Variants in WLS observed in about 807,000 individuals in gnomAD.
WLS encodes Wnt ligand secretion mediator.
A neutral mutation model predicts 62.8 loss-of-function variants in WLS; 23 were observed. The ratio of observed to expected loss-of-function variants is 0.37; its 90% confidence interval spans 0.26 to 0.52. The LOEUF (loss-of-function observed/expected upper bound fraction) is 0.52, where lower values mean the gene tolerates loss of function less well. WLS is among the 20% of genes least tolerant of loss of function. WLS has a pLI of 0.92. For synonymous variants in WLS, 246 were observed against 244.1 expected (o/e 1.01, Z -0.07); for missense variants, 615 against 697.3 (o/e 0.88, Z 1.33).
intron 2 of WLS, among the ~76,000 whole-genome samples, chr1:68,178,781 A>T (rs2100561148): frequency 6.6e-6 from 1 of 152,330 alleles, no homozygotes; most frequent in African/African-American, 2.4e-5. Context: ...TGTATTATGA[A>T]GAATAAGGAC....
chr1:68,226,863 T>A (rs1650163035), intron 1 of WLS, among the ~76,000 whole-genome samples: 2 of 152,176 alleles, frequency 1.3e-5, no homozygotes, highest in Admixed American at 1.3e-4. Flanking sequence ...ATGAGGAATA[T>A]AAGGTAAGAA....
intron 2 of WLS, among the ~76,000 whole-genome samples, chr1:68,172,168 G>A (rs1647163765): frequency 1.3e-5 from 2 of 152,026 alleles, no homozygotes; most frequent in South Asian, 4.2e-4. Context: ...TTGAGGGGTG[G>A]GGGGATGGGG....
At chr1:68,231,169 A>G (rs1379435683) in intron 1 of WLS, among the ~76,000 whole-genome samples, 1 of 152,066 alleles carries the variant, frequency 6.6e-6, no homozygotes, top group Non-Finnish European at 1.5e-5. Context: ...GGGAGGATGG[A>G]TGCAGATGGG....
chr1:68,183,675 C>A (rs1187434631), intron 2 of WLS: 1 of 312,806 alleles, frequency 3.2e-6, no homozygotes, highest in East Asian at 9.7e-5. Context: ...ATAGATTGTT[C>A]CCTTTATTCC....
chr1:68,230,891 G>A (rs1361662394), intron 1 of WLS, among the ~76,000 whole-genome samples: 1 of 152,208 alleles, frequency 6.6e-6, no homozygotes, highest in East Asian at 1.9e-4. Context: ...CCAAGCACAC[G>A]ACTGGAGGTG....
chr1:68,172,994 C>T (rs188490697), intron 2 of WLS, among the ~76,000 whole-genome samples: 58 of 152,254 alleles, frequency 3.8e-4, no homozygotes, highest in African/African-American at 1.3e-3. Flanking sequence ...GGAAGACGGA[C>T]TGGGATGGGG....
intron 1 of WLS, among the ~76,000 whole-genome samples, chr1:68,219,744 TA>T (rs1372565249): frequency 1.3e-5 from 2 of 152,230 alleles, no homozygotes; most frequent in Non-Finnish European, 2.9e-5. Flanking sequence ...TTTTAATCAT[TA>T]TTTTTTGTTT....
At chr1:68,166,662 T>C (rs1424212152) in intron 2 of WLS, among the ~76,000 whole-genome samples, 2 of 152,214 alleles carry the variant, frequency 1.3e-5, no homozygotes, top group African/African-American at 2.4e-5. Context: ...AAACAGGCAA[T>C]GTTCCTGGGA....
intron 2 of WLS, among the ~76,000 whole-genome samples, chr1:68,193,075 C>T (rs1430444859): frequency 1.3e-5 from 2 of 151,320 alleles, no homozygotes; most frequent in African/African-American, 4.9e-5. Context: ...AGCCACTGCA[C>T]TCCAGCCTGG....
intron 1 of WLS, among the ~76,000 whole-genome samples, chr1:68,207,815 T>G: frequency 6.6e-6 from 1 of 152,174 alleles, no homozygotes; most frequent in East Asian, 1.9e-4. Context: ...ATAAAATGAT[T>G]AATATAAAAA....
At chr1:68,187,923 G>A (rs75433566) in intron 2 of WLS, among the ~76,000 whole-genome samples, 9,408 of 151,958 alleles carry the variant, frequency 0.062, 360 homozygotes, top group Admixed American at 0.095. Flanking sequence ...GAAATTTATC[G>A]TTGACTTTTA....
intron 2 of WLS, among the ~76,000 whole-genome samples, chr1:68,178,078 C>T (rs1647336615): frequency 6.6e-6 from 1 of 152,200 alleles, no homozygotes; most frequent in Non-Finnish European, 1.5e-5. Context: ...TCTCCAAGCT[C>T]TTTCACTTTC....
At chr1:68,176,556 G>A (rs1410593616) in intron 2 of WLS, among the ~76,000 whole-genome samples, 2 of 152,140 alleles carry the variant, frequency 1.3e-5, no homozygotes, top group African/African-American at 4.8e-5. Context: ...CTTTTCTTAA[G>A]AAACAAACTC....
intron 10 of WLS, among the ~76,000 whole-genome samples, chr1:68,139,378 A>AG (rs1475246255): frequency 1.3e-5 from 2 of 152,206 alleles, no homozygotes; most frequent in African/African-American, 4.8e-5. Flanking sequence ...TATATTACTT[A>AG]GAGCATCTTA....
intron 1 of WLS, among the ~76,000 whole-genome samples, chr1:68,214,565 CA>C (rs767952905): frequency 4.7e-4 from 72 of 152,170 alleles, no homozygotes; most frequent in Middle Eastern, 3.4e-3. Flanking sequence ...GGGGTTTCAC[CA>C]TGTTAGCCAG....
chr1:68,143,147 C>T (rs1321234150), intron 10 of WLS, among the ~76,000 whole-genome samples: 1 of 152,098 alleles, frequency 6.6e-6, no homozygotes, highest in Non-Finnish European at 1.5e-5. Flanking sequence ...AGAGGAGACT[C>T]GTAGCCTTCT....
intron 1 of WLS, among the ~76,000 whole-genome samples, chr1:68,205,411 G>A (rs745482123): frequency 3.2e-4 from 49 of 152,112 alleles, no homozygotes; most frequent in Non-Finnish European, 5.6e-4. Context: ...AAAAAAAACT[G>A]CTCCCAAAGG....
At chr1:68,197,815 T>A (rs764433768) in intron 1 of WLS, among the ~76,000 whole-genome samples, 2 of 152,182 alleles carry the variant, frequency 1.3e-5, no homozygotes, top group Non-Finnish European at 2.9e-5. Context: ...TTGATCTGTC[T>A]GTAAATTTTT....
At chr1:68,211,348 GACAGGTTTTTCTTAAAAAACA>G (rs140955789) in intron 1 of WLS, among the ~76,000 whole-genome samples, 24,516 of 149,550 alleles carry the variant, frequency 0.16, 2,374 homozygotes, top group East Asian at 0.42. Context: ...CTAAAAAAAT[GACAGGTTTTTCTTAAAAAACA>G]ACAGGTTTTT....
Sources: gnomAD v4.1 joint callset for allele counts (sites outside exome capture counted in the v4.1 genomes callset) on GRCh38, gnomAD v4.1.1 for gene constraint, MANE v1.5 for transcripts, NCBI Gene and HGNC (gene_info 2026-07-23, HGNC 2026-07-21) for gene names.